The following USO1 variants were observed in gnomAD, a reference collection of about 807,000 sequenced individuals.
The protein encoded by USO1 is USO1 vesicle transport factor.
Under a neutral mutation model 124.5 loss-of-function variants are expected in USO1, and 57 were observed. The observed-to-expected ratio is 0.46, with a 90% CI of 0.37 to 0.57. USO1 has a LOEUF of 0.57. USO1 is among the 20% of genes least tolerant of loss of function. The pLI is 0.00. For missense variants in USO1, 900 were observed against 1,040.6 expected (o/e 0.86, Z 1.86); for synonymous variants, 369 against 362.8 (o/e 1.02, Z -0.19).
At chr4:75,768,407 A>G (rs530699822) in intron 4 of USO1, among the ~76,000 whole-genome samples, 41 of 152,024 alleles carry the variant, frequency 2.7e-4, no homozygotes, top group African/African-American at 8.9e-4. Context: ...TGAAAGTGGT[A>G]CTGTTTTTTG....
At chr4:75,757,986 A>C (rs1295596485) in intron 4 of USO1, among the ~76,000 whole-genome samples, 1 of 152,140 alleles carries the variant, frequency 6.6e-6, no homozygotes, top group Non-Finnish European at 1.5e-5. Context: ...GACTTATGTT[A>C]ATTTATAAAG....
intron 20 of USO1, among the ~76,000 whole-genome samples, chr4:75,806,924 AATGT>A (rs1723014195): frequency 6.6e-6 from 1 of 152,216 alleles, no homozygotes; most frequent in South Asian, 2.1e-4. Flanking sequence ...TGCTTGACTA[AATGT>A]ATGGGGTTTT....
Position 75,770,453 on chromosome 4 carries a change from A to C in USO1, c.310A>C (p.Arg104=), listed in dbSNP as rs1721888832. 6.3e-7 allele frequency: 1 copy of C among 1,582,380 alleles called. No individual in the cohort carries two copies. The highest frequency in any genetic ancestry group is 2.3e-5 in the East Asian group (1 of 43,646). ...GAATATTACAGAAGAAAATTCCACA[A>C]GACAGAGTGAAGATTTGGGAAGCCA... is the stretch of plus-strand genomic sequence containing the variant. ...EEEEVEENST[R]QSEDLGSQFT... The change falls in exon 5 of 24, where the codon AGA becomes CGA. Residue 104 remains arginine, a synonymous_variant. Coordinates refer to ENST00000514213, the MANE Select transcript of USO1 (RefSeq NM_003715.4).
intron 1 of USO1, among the ~76,000 whole-genome samples, chr4:75,748,527 A>G (rs899953739): frequency 2.6e-5 from 4 of 152,200 alleles, no homozygotes; most frequent in African/African-American, 9.7e-5. Context: ...CTCTACCAAC[A>G]TTGAACAGCT....
At chr4:75,740,466 C>A (rs2149143668) in intron 1 of USO1, among the ~76,000 whole-genome samples, 1 of 152,260 alleles carries the variant, frequency 6.6e-6, no homozygotes, top group South Asian at 2.1e-4. Flanking sequence ...TTTTAAATTT[C>A]TTATAAAGAC....
At chr4:75,748,809 C>T (rs946864529) in intron 1 of USO1, among the ~76,000 whole-genome samples, 1 of 152,016 alleles carries the variant, frequency 6.6e-6, no homozygotes, top group African/African-American at 2.4e-5. Context: ...AAAAAATGAG[C>T]AAAAGATGTA....
intron 4 of USO1, among the ~76,000 whole-genome samples, chr4:75,761,369 A>G (rs574382658): frequency 1.3e-5 from 2 of 152,278 alleles, no homozygotes; most frequent in South Asian, 4.1e-4. Context: ...CAATGATTGC[A>G]CCTGTGAATA....
chr4:75,780,351 C>G (rs1361923862), intron 8 of USO1, among the ~76,000 whole-genome samples: 1 of 151,778 alleles, frequency 6.6e-6, no homozygotes, highest in Admixed American at 6.6e-5. Context: ...ACTGCCACCT[C>G]TGCCTCCTAG....
At chr4:75,754,215 C>G (rs2149156215) in intron 3 of USO1, among the ~76,000 whole-genome samples, 1 of 152,132 alleles carries the variant, frequency 6.6e-6, no homozygotes, top group Non-Finnish European at 1.5e-5. Context: ...TCCCGAGTAC[C>G]TGGGATTACA....
intron 4 of USO1, among the ~76,000 whole-genome samples, chr4:75,760,406 G>C (rs1721571685): frequency 6.6e-6 from 1 of 152,068 alleles, no homozygotes; most frequent in Non-Finnish European, 1.5e-5. Context: ...TAAAAATATA[G>C]CGTATGCTAA....
chr4:75,776,888 T>C (rs1722086304), intron 8 of USO1, among the ~76,000 whole-genome samples: 1 of 152,178 alleles, frequency 6.6e-6, no homozygotes, highest in South Asian at 2.1e-4. Flanking sequence ...CTTAAGCATT[T>C]TAAAGTTAAA....
intron 7 of USO1, among the ~76,000 whole-genome samples, chr4:75,772,056 A>G (rs952065904): frequency 6.6e-6 from 1 of 152,186 alleles, no homozygotes; most frequent in Admixed American, 6.5e-5. Flanking sequence ...GTTTTAGTAA[A>G]TATCATTTGG....
chr4:75,731,056 A>G (rs1301045026), intron 1 of USO1, among the ~76,000 whole-genome samples: 1 of 152,208 alleles, frequency 6.6e-6, no homozygotes, highest in East Asian at 1.9e-4. Flanking sequence ...GGGAAAGAGC[A>G]TGGAGAATAA....
intron 22 of USO1, 131 bp downstream of exon 22, chr4:75,810,670 C>T (rs1462429571): frequency 2.6e-6 from 3 of 1,145,442 alleles, no homozygotes; most frequent in Non-Finnish European, 3.6e-6. Context: ...ACAACATTTT[C>T]ACTCCTATAT....
At chr4:75,772,039 A>G (rs987946669) in intron 7 of USO1, among the ~76,000 whole-genome samples, 5 of 152,150 alleles carry the variant, frequency 3.3e-5, no homozygotes, top group African/African-American at 7.2e-5. Context: ...TGACTTTTTC[A>G]TCCTAAGTTT....
chr4:75,761,780 C>T (rs188285693), intron 4 of USO1, among the ~76,000 whole-genome samples: 194 of 152,220 alleles, frequency 1.3e-3, no homozygotes, highest in African/African-American at 3.9e-3. Context: ...AGGAAATATT[C>T]GTATCTAAAG....
intron 7 of USO1, 31 bp from the exon 8 acceptor site, chr4:75,774,645 C>T: frequency 2.0e-6 from 3 of 1,519,444 alleles, no homozygotes; most frequent in East Asian, 2.4e-5. Context: ...AAATTTTGTA[C>T]TCCACTAAAC....
rs140632498 is a variant in USO1, at chr4:75,789,230, T to G, written c.997-920T>G. ...GCTGGAAATATACATCCTTCAGTTC[T>G]GAGGATGTTTTTGGCATTGCCTGAT... On this transcript the variant is annotated intron_variant, in intron 10 of 23. Coordinates refer to ENST00000514213, the MANE Select transcript of USO1 (RefSeq NM_003715.4). Among the ~76,000 whole-genome samples the G allele has an allele frequency of 5.8e-3, 878 of 152,280 alleles. 2 individuals carry two copies. Among genetic ancestry groups the G allele is most frequent in the African/African-American group, 0.019 (797 of 41,566 alleles).
chr4:75,802,667 G>A (rs1440459986), intron 17 of USO1, among the ~76,000 whole-genome samples: 1 of 149,784 alleles, frequency 6.7e-6, no homozygotes, highest in Non-Finnish European at 1.5e-5. Context: ...GCAATATTAA[G>A]TAGATGCAAT....
Sources: allele counts gnomAD v4.1 joint callset (sites outside exome capture counted in the v4.1 genomes callset), GRCh38; gene constraint gnomAD v4.1.1; transcripts MANE v1.5; gene names NCBI Gene and HGNC (gene_info 2026-07-23, HGNC 2026-07-21).